The following AREL1 variants were observed in gnomAD, a reference collection of about 807,000 sequenced individuals.
The protein encoded by AREL1 is apoptosis resistant E3 ubiquitin protein ligase 1.
A neutral mutation model predicts 99.0 loss-of-function variants in AREL1; 62 were observed. The ratio of observed to expected loss-of-function variants is 0.63; its 90% CI spans 0.51 to 0.77. The LOEUF is 0.77. Among genes scored for constraint, AREL1 ranks in the 30% least tolerant of loss-of-function variants. The pLI, the probability that AREL1 is intolerant of heterozygous loss-of-function variation, is 0.00. For missense variants in AREL1, 879 were observed against 1,027.6 expected (o/e 0.86, Z 1.98); for synonymous variants, 380 against 376.5 (o/e 1.01, Z -0.11).
In AREL1 at chr14:74,679,844, T is replaced by TA. The variant is rs1447440308; in HGVS notation, c.482-3093dup. Among the ~76,000 whole-genome samples, 150 of 150,512 alleles carry TA rather than the reference T, an allele frequency of 1.0e-3. 1 individual carries two copies. Among genetic ancestry groups the TA allele is most frequent in the African/African-American group, 2.5e-3 (102 of 40,958 alleles). ...CTCCATCTCAAAAAAAAGAAAATAA[T>TA]AATAAATAAATAAATAAATAATAAT... is the stretch of plus-strand genomic sequence containing the variant. On this transcript the variant is annotated intron_variant, in intron 5 of 19. Transcript: ENST00000356357.
At chr14:74,676,868 C>T (rs185195487) in intron 5 of AREL1, 116 bp from the exon 6 acceptor site, 25 of 824,158 alleles carry the variant, frequency 3.0e-5, no homozygotes, top group Non-Finnish European at 3.9e-5. Context: ...GCAATCTCGG[C>T]TCACTGCAAG....
chr14:74,686,223 A>G (rs143155880), intron 2 of AREL1, among the ~76,000 whole-genome samples: 242 of 152,332 alleles, frequency 1.6e-3, no homozygotes, highest in African/African-American at 5.7e-3. Context: ...GCTGTTACCA[A>G]TCAGACAAAC....
chr14:74,673,300 A>G (rs149977977), intron 9 of AREL1, 82 bp from the exon 10 acceptor site: 1 of 1,392,544 alleles, frequency 7.2e-7, no homozygotes, highest in East Asian at 2.3e-5. Flanking sequence ...CTGTGTACCA[A>G]CCAACAACAA....
At chr14:74,666,647 T>G (rs2089215625) in intron 17 of AREL1, among the ~76,000 whole-genome samples, 3 of 151,994 alleles carry the variant, frequency 2.0e-5, no homozygotes, top group Admixed American at 2.0e-4. Flanking sequence ...AAAAATAAAT[T>G]CTATTACTCC....
At chr14:74,666,373 G>A (rs971983857) in intron 17 of AREL1, among the ~76,000 whole-genome samples, 1 of 152,186 alleles carries the variant, frequency 6.6e-6, no homozygotes, top group Non-Finnish European at 1.5e-5. Flanking sequence ...GCCCACACCT[G>A]ATACGGACTT....
rs771383141 is a variant in AREL1, at chr14:74,675,905, C to T, written c.874G>A (p.Gly292Ser). The stretch of plus-strand genomic sequence containing the variant: ...TAAGCCTCAAAGTAAATGCTCACGC[C>T]TGAAGTGGACACATTGCGTTCGACG... The part of the protein sequence containing the change: ...NIVERNVSTS[G>S]VSIYFEAYLY... The change falls in exon 8 of 20, where the codon GGC becomes AGC. Residue 292 changes from glycine (G) to serine (S), a missense_variant. Gly to Ser is a moderately conservative substitution (Grantham distance 56). Transcript: ENST00000356357. 1 of 1,610,684 alleles carries T rather than the reference C, an allele frequency of 6.2e-7. No individual in the cohort carries two copies. The highest frequency in any genetic ancestry group is 8.5e-7 in the Non-Finnish European group (1 of 1,177,820).
chr14:74,703,213 A>G (rs1223741866), intron 1 of AREL1, among the ~76,000 whole-genome samples: 3 of 152,244 alleles, frequency 2.0e-5, no homozygotes, highest in Non-Finnish European at 4.4e-5. Context: ...TCACAGTTCC[A>G]CATGGCTGGG....
At chr14:74,681,805 T>TGG (rs141027612) in intron 5 of AREL1, among the ~76,000 whole-genome samples, 10 of 147,788 alleles carry the variant, frequency 6.8e-5, no homozygotes, top group African/African-American at 2.0e-4. Flanking sequence ...AGAAACAGGT[T>TGG]GGGGGGGATA....
Position 74,713,072 on chromosome 14 carries a change from C to T in AREL1, c.-473G>A, listed in dbSNP as rs2090350311. Reference sequence around the variant, plus strand: ...TCTCCACCCGGCCTGGGAACCGGCTCGGGGGATTGCCCTTTCCCCAAGGAG... The same window carrying T: ...TCTCCACCCGGCCTGGGAACCGGCTTGGGGGATTGCCCTTTCCCCAAGGAG... On this transcript the variant is annotated 5_prime_UTR_variant, in exon 1 of 20. Coordinates refer to ENST00000356357, the MANE Select transcript of AREL1 (RefSeq NM_001039479.2). The T allele has an allele frequency of 6.3e-7, 1 of 1,575,664 alleles. No homozygotes were observed. The highest frequency in any genetic ancestry group is 8.7e-7 in the Non-Finnish European group (1 of 1,145,570).
chr14:74,677,459 G>T (rs1219709756), intron 5 of AREL1, among the ~76,000 whole-genome samples: 1 of 148,466 alleles, frequency 6.7e-6, no homozygotes, highest in Non-Finnish European at 1.5e-5. Flanking sequence ...CCACACCATT[G>T]CATTCTAGCC....
chr14:74,699,459 C>T (rs1396479767), intron 1 of AREL1, among the ~76,000 whole-genome samples: 1 of 151,962 alleles, frequency 6.6e-6, no homozygotes. Flanking sequence ...AGAATGGCGT[C>T]CCATCCAGCG....
rs1040357693 is a variant in AREL1 at position 74,663,901 on chromosome 14, T to C, written c.2367A>G (p.Thr789=). ...GCATCAGGCGGGCAGATACCTACCA[T>C]GTGTGTGCAGTAGGCAGCGTGCTAT... is the stretch of plus-strand genomic sequence containing the variant. ...PTHSTLPTAH[T]CFNQLCLPTY... Residue 789 remains threonine, a splice_region_variant and synonymous_variant, in exon 19 of 20, where the codon ACA becomes ACG. Transcript: ENST00000356357. The C allele has an allele frequency of 3.1e-6, 5 of 1,614,156 alleles. No homozygotes were observed. The highest frequency in any genetic ancestry group is 3.3e-5 in the Admixed American group (2 of 60,026).
chr14:74,708,059 G>A (rs2090218345), intron 1 of AREL1, among the ~76,000 whole-genome samples: 1 of 151,992 alleles, frequency 6.6e-6, no homozygotes, highest in Non-Finnish European at 1.5e-5. Flanking sequence ...AGAAACTTGT[G>A]AAATCCAAAT....
At chr14:74,667,628 G>A (rs760599667) in intron 15 of AREL1, 34 bp from the exon 16 acceptor site, 1 of 1,559,954 alleles carries the variant, frequency 6.4e-7, no homozygotes, top group East Asian at 2.3e-5. Flanking sequence ...ACAAGGGAGA[G>A]GCTGTGGATG....
At chr14:74,665,861 A>C (rs2089199296) in intron 17 of AREL1, among the ~76,000 whole-genome samples, 1 of 152,224 alleles carries the variant, frequency 6.6e-6, no homozygotes, top group Non-Finnish European at 1.5e-5. Flanking sequence ...TGGCTCCTTC[A>C]AAAAGAACTT....
In AREL1 at chr14:74,663,670, G is replaced by A. The variant is rs771646809; in HGVS notation, c.*50C>T. ...AGTGGTTATGATGTCTGTAACTTGCGCCCAGAAGCTCCAGAGAGCATGGGA... is the reference window on the plus strand; with the variant it reads ...AGTGGTTATGATGTCTGTAACTTGCACCCAGAAGCTCCAGAGAGCATGGGA... On this transcript the variant is annotated 3_prime_UTR_variant, in exon 20 of 20. Transcript: ENST00000356357. 2.3e-5 allele frequency: 35 copies of A among 1,550,312 alleles called. No homozygotes were observed. The Admixed American group carries it at 3.3e-4, about 15-fold the overall frequency.
At chr14:74,710,974 G>A (rs146080487) in intron 1 of AREL1, among the ~76,000 whole-genome samples, 30 of 152,320 alleles carry the variant, frequency 2.0e-4, no homozygotes, top group African/African-American at 7.0e-4. Context: ...GCTCACGCCT[G>A]TAATCCCAGC....
Position 74,685,656 on chromosome 14 carries a change from T to G in AREL1, c.-41A>C. On this transcript the variant is annotated 5_prime_UTR_variant, in exon 3 of 20. Transcript: ENST00000356357. Reference sequence around the variant, plus strand: ...CCAACAGACAGCCGAGGATCACAGCTGCAGCTGTTAAAAGAAAACTTGTTT... The same window carrying G: ...CCAACAGACAGCCGAGGATCACAGCGGCAGCTGTTAAAAGAAAACTTGTTT... The G allele has an allele frequency of 6.2e-7, 1 of 1,613,652 alleles. No homozygotes were observed. Among genetic ancestry groups the G allele is most frequent in the Non-Finnish European group, 8.5e-7 (1 of 1,179,792 alleles).
intron 11 of AREL1, 70 bp downstream of exon 11, chr14:74,672,761 T>C (rs2089378760): frequency 6.3e-7 from 1 of 1,595,506 alleles, no homozygotes; most frequent in Non-Finnish European, 8.5e-7. Context: ...ACAAAAACAG[T>C]AACCTGCAGA....
Sources: gnomAD v4.1 joint callset for allele counts (sites outside exome capture counted in the v4.1 genomes callset) on GRCh38, gnomAD v4.1.1 for gene constraint, MANE v1.5 for transcripts, NCBI Gene and HGNC (gene_info 2026-07-23, HGNC 2026-07-21) for gene names.